GPHN: variants seen among roughly 807,000 people sequenced by gnomAD.
GPHN encodes the protein gephyrin.
GPHN carries 17 observed loss-of-function variants against 95.5 expected under a neutral mutation model. The ratio of observed to expected loss-of-function variants is 0.18; its 90% CI spans 0.12 to 0.27. GPHN has a LOEUF of 0.27. Ranked by LOEUF, GPHN falls within the 10% of genes least tolerant of loss-of-function variation. The pLI, the probability that GPHN is intolerant of heterozygous loss-of-function variation, is 1.00. For missense variants in GPHN, 660 were observed against 978.1 expected, an observed-to-expected ratio of 0.67 and a Z score of 4.34; for synonymous variants, 320 against 322.5, an observed-to-expected ratio of 0.99 and a Z score of 0.08.
the GPHN span, chr14:67,271,571 C>T: frequency 6.6e-6 from 1 of 152,170 alleles, no homozygotes; most frequent in Non-Finnish European, 1.5e-5. Flanking sequence ...TGAGCTCAGA[C>T]TTAAAAGAGT....
chr14:66,635,510 T>G (rs943200101), intron 1 of GPHN, among the ~76,000 whole-genome samples: 1 of 152,134 alleles, frequency 6.6e-6, no homozygotes, highest in African/African-American at 2.4e-5. Flanking sequence ...AATCCCAGAT[T>G]TAAGTGATGA....
At chr14:66,908,442 G>T (rs746439492) in intron 5 of GPHN, among the ~76,000 whole-genome samples, 1 of 152,074 alleles carries the variant, frequency 6.6e-6, no homozygotes, top group Non-Finnish European at 1.5e-5. Context: ...ATGACTCCAT[G>T]CTTATACAAA....
chr14:67,701,431 T>C, the GPHN span, among the ~76,000 whole-genome samples: 2 of 142,494 alleles, frequency 1.4e-5, no homozygotes, highest in African/African-American at 5.2e-5. Flanking sequence ...ATTTCTTTTT[T>C]TTTTTTTTTT....
chr14:66,631,877 C>T (rs913299886), intron 1 of GPHN, among the ~76,000 whole-genome samples: 10 of 152,200 alleles, frequency 6.6e-5, no homozygotes, highest in African/African-American at 2.4e-4. Context: ...TAAACAGTTT[C>T]CTATCATTGC....
chr14:67,692,619 A>C, the GPHN span: 1 of 1,530,226 alleles, frequency 6.5e-7, no homozygotes, highest in African/African-American at 1.4e-5. Context: ...TGAAAGAGAA[A>C]TGGTCAGCTC....
At chr14:67,302,090 G>A in the GPHN span, 45 of 1,605,946 alleles carry the variant, frequency 2.8e-5, no homozygotes, top group South Asian at 1.9e-4. Context: ...AAAATAGTTC[G>A]TATAGAAAAG....
the GPHN span, among the ~76,000 whole-genome samples, chr14:67,482,814 G>A: frequency 3.1e-4 from 47 of 152,310 alleles, 3 homozygotes; most frequent in Admixed American, 2.8e-3. Flanking sequence ...CCCTCTTGCT[G>A]TGGGTGCCCC....
the GPHN span, among the ~76,000 whole-genome samples, chr14:67,428,837 G>A: frequency 6.6e-6 from 1 of 152,180 alleles, no homozygotes; most frequent in Non-Finnish European, 1.5e-5. Context: ...CTGGGCTGTA[G>A]GGGGCCTGCT....
At chr14:67,552,991 C>G in the GPHN span, among the ~76,000 whole-genome samples, 1 of 152,132 alleles carries the variant, frequency 6.6e-6, no homozygotes, top group African/African-American at 2.4e-5. Context: ...AATAACAGAG[C>G]GATTTCTGGT....
intron 11 of GPHN, among the ~76,000 whole-genome samples, chr14:67,059,409 T>G (rs944760074): frequency 6.6e-6 from 1 of 152,122 alleles, no homozygotes; most frequent in Non-Finnish European, 1.5e-5. Flanking sequence ...GCTTGTGGTT[T>G]CTCCCCAACA....
the GPHN span, among the ~76,000 whole-genome samples, chr14:67,636,796 G>T: frequency 6.6e-6 from 1 of 152,178 alleles, no homozygotes; most frequent in Non-Finnish European, 1.5e-5. Context: ...TGAAAAATGA[G>T]ACCCTTTCAC....
At chr14:67,638,057 C>T in the GPHN span, among the ~76,000 whole-genome samples, 1 of 152,184 alleles carries the variant, frequency 6.6e-6, no homozygotes, top group Non-Finnish European at 1.5e-5. Context: ...AGCCACAAGC[C>T]AGGTCTCTGA....
At chr14:66,828,244 A>C (rs1249241940) in intron 4 of GPHN, among the ~76,000 whole-genome samples, 1 of 152,026 alleles carries the variant, frequency 6.6e-6, no homozygotes, top group Non-Finnish European at 1.5e-5. Context: ...ATAAGCAAAC[A>C]TAAAATCAAT....
the GPHN span, chr14:67,650,401 C>A: frequency 3.1e-6 from 1 of 327,722 alleles, no homozygotes; most frequent in Non-Finnish European, 5.7e-6. Flanking sequence ...AGGATGAAAA[C>A]CTCCCCCACC....
intron 13 of GPHN, among the ~76,000 whole-genome samples, chr14:67,103,488 G>A (rs1370369302): frequency 1.4e-5 from 2 of 142,002 alleles, no homozygotes; most frequent in South Asian, 2.2e-4. Flanking sequence ...CCAACCCAAC[G>A]ACATGGGATG....
At chr14:67,405,658 C>A in the GPHN span, among the ~76,000 whole-genome samples, 40 of 152,330 alleles carry the variant, frequency 2.6e-4, 1 homozygote, top group South Asian at 5.8e-3. Flanking sequence ...TAAAGGTCTT[C>A]TGAGGCTTCT....
chr14:66,575,844 G>T (rs2060880593), intron 1 of GPHN, among the ~76,000 whole-genome samples: 1 of 152,200 alleles, frequency 6.6e-6, no homozygotes, highest in South Asian at 2.1e-4. Context: ...CTACTGGAGT[G>T]GTCCTAGAGG....
chr14:67,715,345 T>G, the GPHN span: 1 of 152,264 alleles, frequency 6.6e-6, no homozygotes, highest in Non-Finnish European at 1.5e-5. Flanking sequence ...TAAATGATTC[T>G]CTATATTATT....
chr14:66,599,329 T>C (rs894860982), intron 1 of GPHN, among the ~76,000 whole-genome samples: 2 of 151,704 alleles, frequency 1.3e-5, no homozygotes, highest in African/African-American at 2.4e-5. Flanking sequence ...CTTACCCTTT[T>C]TGTATATCTT....
Sources: allele counts gnomAD v4.1 joint callset (sites outside exome capture counted in the v4.1 genomes callset), GRCh38; gene constraint gnomAD v4.1.1; transcripts MANE v1.5; gene names NCBI Gene and HGNC (gene_info 2026-07-23, HGNC 2026-07-21).